The following FTO variants were observed in gnomAD, a reference collection of about 807,000 sequenced individuals.
FTO encodes alpha-ketoglutarate-dependent dioxygenase FTO.
Under a neutral mutation model 63.9 loss-of-function variants are expected in FTO, and 47 were observed. The observed-to-expected ratio is 0.74, with a 90% CI of 0.58 to 0.94. The LOEUF (loss-of-function observed/expected upper bound fraction) is 0.94, where lower values mean the gene tolerates loss of function less well. FTO is among the 40% of genes least tolerant of loss of function. The probability of loss-of-function intolerance (pLI) is 0.00; values close to 1 mark genes in which losing one functional copy is unlikely to be tolerated. For missense variants in FTO, 562 were observed against 618.1 expected (o/e 0.91, Z 0.96); for synonymous variants, 207 against 224.4 (o/e 0.92, Z 0.69).
chr16:54,082,734 T>C (rs777834392), intron 8 of FTO, among the ~76,000 whole-genome samples: 1 of 152,196 alleles, frequency 6.6e-6, no homozygotes, highest in Non-Finnish European at 1.5e-5. Flanking sequence ...AACTTTGAGA[T>C]AGGAGGGATC....
intron 8 of FTO, among the ~76,000 whole-genome samples, chr16:54,009,008 TCC>T (rs11295022): frequency 3.4e-5 from 5 of 149,122 alleles, no homozygotes; most frequent in African/African-American, 4.9e-5. Context: ...AAAGACCCTG[TCC>T]CCCCCCCAAA....
At chr16:53,796,298 C>T (rs2078070138) in intron 1 of FTO, among the ~76,000 whole-genome samples, 1 of 152,218 alleles carries the variant, frequency 6.6e-6, no homozygotes, top group South Asian at 2.1e-4. Flanking sequence ...CCCGCATTGG[C>T]CTCCCAAAGT....
intron 3 of FTO, among the ~76,000 whole-genome samples, chr16:53,834,157 TG>T (rs1241725727): frequency 1.3e-5 from 2 of 152,108 alleles, no homozygotes; most frequent in African/African-American, 4.8e-5. Flanking sequence ...CCTGAGTAGC[TG>T]GGACTACAGG....
intron 1 of FTO, among the ~76,000 whole-genome samples, chr16:53,765,557 C>CA (rs11383210): frequency 0.57 from 68,801 of 120,244 alleles, 18,084 homozygotes; most frequent in East Asian, 0.67. Flanking sequence ...AACTCCGTCT[C>CA]AAAAAAAAAA....
At chr16:54,100,115 G>C (rs1051078169) in intron 8 of FTO, among the ~76,000 whole-genome samples, 2 of 152,106 alleles carry the variant, frequency 1.3e-5, no homozygotes, top group Non-Finnish European at 2.9e-5. Context: ...GGTGCCATTA[G>C]GAAACTCAGT....
chr16:54,017,697 T>C (rs1322513635), intron 8 of FTO, among the ~76,000 whole-genome samples: 1 of 152,140 alleles, frequency 6.6e-6, no homozygotes, highest in Non-Finnish European at 1.5e-5. Context: ...AATCATCTCC[T>C]TTTAAAAAAG....
chr16:53,909,589 A>T (rs556966820), intron 7 of FTO, among the ~76,000 whole-genome samples: 6 of 117,936 alleles, frequency 5.1e-5, no homozygotes, highest in African/African-American at 2.1e-4. Flanking sequence ...TTTGAGACAG[A>T]GTCTCACTCT....
intron 1 of FTO, among the ~76,000 whole-genome samples, chr16:53,728,001 G>A (rs890805082): frequency 1.3e-5 from 2 of 152,126 alleles, no homozygotes; most frequent in African/African-American, 2.4e-5. Flanking sequence ...CAGTGCTTTG[G>A]GGGGCTGAGG....
At chr16:54,080,712 C>A (rs1156686326) in intron 8 of FTO, among the ~76,000 whole-genome samples, 2 of 152,128 alleles carry the variant, frequency 1.3e-5, no homozygotes, top group African/African-American at 4.8e-5. Context: ...GTAATTGTTT[C>A]AACACTAGAG....
chr16:53,847,027 T>C (rs1033082708), intron 4 of FTO, among the ~76,000 whole-genome samples: 7 of 152,180 alleles, frequency 4.6e-5, no homozygotes, highest in Non-Finnish European at 1.0e-4. Context: ...TATATGTATG[T>C]CTGGAATTAT....
chr16:53,705,217 T>C (rs903472745), intron 1 of FTO, among the ~76,000 whole-genome samples: 1 of 152,212 alleles, frequency 6.6e-6, no homozygotes, highest in Non-Finnish European at 1.5e-5. Flanking sequence ...AATATAATTA[T>C]GTCCCTTTCC....
intron 1 of FTO, among the ~76,000 whole-genome samples, chr16:53,783,702 C>A (rs1343216758): frequency 6.7e-6 from 1 of 150,282 alleles, no homozygotes; most frequent in Non-Finnish European, 1.5e-5. Context: ...GCAGGAGAAT[C>A]ACTTGAACCC....
At chr16:53,858,663 T>C (rs1273744407) in intron 4 of FTO, among the ~76,000 whole-genome samples, 1 of 152,152 alleles carries the variant, frequency 6.6e-6, no homozygotes, top group Non-Finnish European at 1.5e-5. Context: ...TTCTTTTCTT[T>C]TTTTTTCCTT....
intron 8 of FTO, chr16:53,999,622 C>A (rs145237509): frequency 1.3e-5 from 2 of 152,258 alleles, no homozygotes; most frequent in South Asian, 4.1e-4. Context: ...TATTAAAGAC[C>A]CCATGGAAGC....
intron 4 of FTO, among the ~76,000 whole-genome samples, chr16:53,862,322 T>C (rs1227554372): frequency 6.6e-6 from 1 of 152,168 alleles, no homozygotes; most frequent in Non-Finnish European, 1.5e-5. Flanking sequence ...TGATATTTGA[T>C]GTTGGGAGAT....
At chr16:53,897,528 A>G (rs13335343) in intron 7 of FTO, among the ~76,000 whole-genome samples, 127,114 of 152,184 alleles carry the variant, frequency 0.84, 54,104 homozygotes, top group Middle Eastern at 0.93. Context: ...GAAATGACAA[A>G]TTATGAAATA....
chr16:53,706,390 A>G (rs1440833282), intron 1 of FTO, among the ~76,000 whole-genome samples: 1 of 152,100 alleles, frequency 6.6e-6, no homozygotes, highest in African/African-American at 2.4e-5. Flanking sequence ...CATAGCGAAC[A>G]TTTCTCTCCT....
intron 8 of FTO, among the ~76,000 whole-genome samples, chr16:53,972,256 A>G (rs1471595559): frequency 2.6e-5 from 4 of 152,254 alleles, no homozygotes; most frequent in African/African-American, 9.6e-5. Flanking sequence ...TAAGGCTCGG[A>G]GTATTGGAAA....
Position 53,772,634 on chromosome 16 carries a change from G to A in FTO, c.46-37506G>A, listed in dbSNP as rs112680057. On this transcript the variant is annotated intron_variant, in intron 1 of 8. Coordinates refer to ENST00000471389, the MANE Select transcript of FTO (RefSeq NM_001080432.3). Reference sequence around the variant, plus strand: ...CACACCTCTTTTCACTAGACCATTAGCTTGAGGAAGACATGGATTTCCTTG... The same window carrying A: ...CACACCTCTTTTCACTAGACCATTAACTTGAGGAAGACATGGATTTCCTTG... 3.3e-3 allele frequency among the ~76,000 whole-genome samples: 495 copies of A among 152,218 alleles called. 3 individuals carry two copies. The highest frequency in any genetic ancestry group is 4.6e-3 in the Non-Finnish European group (316 of 67,990).
Sources: allele counts gnomAD v4.1 joint callset (sites outside exome capture counted in the v4.1 genomes callset), GRCh38; gene constraint gnomAD v4.1.1; transcripts MANE v1.5; gene names NCBI Gene and HGNC (gene_info 2026-07-23, HGNC 2026-07-21).